The following CDH19 variants were observed in gnomAD, a reference collection of about 807,000 sequenced individuals.
CDH19 encodes cadherin-19.
Under a neutral mutation model 64.2 loss-of-function variants are expected in CDH19, and 67 were observed. That is an observed-to-expected ratio of 1.04 (90% CI 0.86 to 1.28). The LOEUF (loss-of-function observed/expected upper bound fraction) is 1.28. Ranked by LOEUF, CDH19 falls within the 50% of genes most tolerant of loss-of-function variation. CDH19 has a pLI of 0.00. For missense variants in CDH19, 1,030 were observed against 929.0 expected (o/e 1.11, Z -1.41); for synonymous variants, 346 against 319.3 (o/e 1.08, Z -0.89).
intron 1 of CDH19, among the ~76,000 whole-genome samples, chr18:66,589,360 A>T (rs1426934520): frequency 1.3e-5 from 2 of 151,754 alleles, no homozygotes; most frequent in Non-Finnish European, 2.9e-5. Context: ...AATTTCTAAC[A>T]GTATTTATTT....
At position 66,509,223 on chromosome 18, in the gene CDH19, T is replaced by G; in HGVS notation, c.1600A>C (p.Asn534His). 1 of 1,612,436 alleles carries G rather than the reference T, an allele frequency of 6.2e-7. No homozygotes were observed. Among genetic ancestry groups the G allele is most frequent in the Non-Finnish European group, 8.5e-7 (1 of 1,179,002 alleles). Residue 534 changes from asparagine to histidine, a missense_variant, in exon 11 of 12, where the codon AAT (asparagine) becomes CAT (histidine). By Grantham distance (68) the Asn-to-His change is moderately conservative. Coordinates refer to ENST00000262150, the MANE Select transcript of CDH19 (RefSeq NM_021153.4). Reference protein sequence around the residue: ...NQDNTAVILTNRTGFNLQEEP... With the variant: ...NQDNTAVILTHRTGFNLQEEP... ...TCTTGAAGGTTAAAACCAGTTCTATTAGTCAAAATGACAGCTGTGTTATCT... is the reference window on the plus strand; with the variant it reads ...TCTTGAAGGTTAAAACCAGTTCTATGAGTCAAAATGACAGCTGTGTTATCT...
chr18:66,588,076 G>T (rs1055955372), intron 1 of CDH19, among the ~76,000 whole-genome samples: 1 of 152,136 alleles, frequency 6.6e-6, no homozygotes, highest in African/African-American at 2.4e-5. Flanking sequence ...CACTATCTGT[G>T]TTGAGTCTGC....
intron 1 of CDH19, among the ~76,000 whole-genome samples, chr18:66,579,978 GC>G (rs2144600228): frequency 6.6e-6 from 1 of 152,060 alleles, no homozygotes; most frequent in African/African-American, 2.4e-5. Flanking sequence ...TGGAAGATAG[GC>G]AAAACCATTG....
At chr18:66,527,622 C>T (rs1255208337) in intron 9 of CDH19, among the ~76,000 whole-genome samples, 2 of 151,882 alleles carry the variant, frequency 1.3e-5, no homozygotes, top group African/African-American at 4.8e-5. Flanking sequence ...TGGTGGCGTG[C>T]GCCTGTCATC....
At position 66,551,861 on chromosome 18, in the gene CDH19, T is replaced by C. The variant is rs115614477; in HGVS notation, c.611-603A>G. On this transcript the variant is annotated intron_variant, in intron 4 of 11. Coordinates refer to ENST00000262150, the MANE Select transcript of CDH19 (RefSeq NM_021153.4). Reference sequence around the variant, plus strand: ...TTAATATACATTTATTAACTATCACTGAAAAGAACCTAAGAAAATCTTAAG... The same window carrying C: ...TTAATATACATTTATTAACTATCACCGAAAAGAACCTAAGAAAATCTTAAG... Among the ~76,000 whole-genome samples the C allele has an allele frequency of 7.2e-3, 1,088 of 152,026 alleles. 17 individuals are homozygous for C. The highest frequency in any genetic ancestry group is 0.025 in the African/African-American group (1,040 of 41,496).
chr18:66,527,035 GTA>G (rs749251440), intron 9 of CDH19, among the ~76,000 whole-genome samples: 52 of 118,686 alleles, frequency 4.4e-4, no homozygotes, highest in South Asian at 2.9e-3. Context: ...ATATAAATAT[GTA>G]TATATATATA....
chr18:66,572,698 GAA>G (rs1353226277), intron 1 of CDH19, among the ~76,000 whole-genome samples: 4 of 151,584 alleles, frequency 2.6e-5, no homozygotes, highest in African/African-American at 9.7e-5. Context: ...AATCCAGGAG[GAA>G]AAAAGTCTTA....
chr18:66,576,486 TCATTTCATAATTATAAATGATAAA>T (rs1468277680), intron 1 of CDH19, among the ~76,000 whole-genome samples: 1 of 151,502 alleles, frequency 6.6e-6, no homozygotes, highest in Non-Finnish European at 1.5e-5. Flanking sequence ...GATAAACATA[TCATTTCATAATTATAAATGATAAA>T]CAATGTCATT....
intron 3 of CDH19, among the ~76,000 whole-genome samples, chr18:66,558,546 A>G (rs1987605481): frequency 6.6e-6 from 1 of 152,024 alleles, no homozygotes; most frequent in South Asian, 2.1e-4. Flanking sequence ...TAAAGAGATC[A>G]CAATAATAAT....
intron 3 of CDH19, among the ~76,000 whole-genome samples, chr18:66,566,489 TC>T (rs34318700): frequency 6.6e-6 from 1 of 151,930 alleles, no homozygotes; most frequent in Non-Finnish European, 1.5e-5. Context: ...TTTCATTTTC[TC>T]CCTGTGGCGT....
chr18:66,506,014 A>G (rs991042534), intron 11 of CDH19, among the ~76,000 whole-genome samples: 54 of 152,004 alleles, frequency 3.6e-4, no homozygotes, highest in African/African-American at 1.1e-3. Flanking sequence ...GAAGTCATTT[A>G]CAGCAACATA....
intron 3 of CDH19, 139 bp from the exon 4 acceptor site, chr18:66,554,663 A>T: frequency 1.7e-6 from 1 of 579,418 alleles, no homozygotes; most frequent in Non-Finnish European, 2.8e-6. Flanking sequence ...CTTAATTGTA[A>T]AAGTAATGTA....
At position 66,593,578 on chromosome 18, in the gene CDH19, T is replaced by A. The variant is rs140546904; in HGVS notation, c.-113+10376A>T. ...AAGAAAGTAGAGTTCTACATCACAT[T>A]GTATTAAAAAATAAACTAGTGTTAA... On this transcript the variant is annotated intron_variant, in intron 1 of 11. Coordinates refer to ENST00000262150, the MANE Select transcript of CDH19 (RefSeq NM_021153.4). Among the ~76,000 whole-genome samples the A allele has an allele frequency of 3.0e-4, 45 of 152,108 alleles. No homozygotes were observed. In the East Asian group the frequency reaches 8.5e-3, roughly 29 times the overall value.
chr18:66,508,900 G>A (rs1253179039), intron 11 of CDH19, 95 bp downstream of exon 11: 2 of 1,280,946 alleles, frequency 1.6e-6, no homozygotes, highest in East Asian at 4.9e-5. Context: ...TATTTATCAT[G>A]TTATTTTAAA....
rs760863253 is a variant in CDH19 at position 66,508,993 on chromosome 18, A to G, written c.1828+2T>C. 2.5e-6 allele frequency: 4 copies of G among 1,604,778 alleles called. No individual in the cohort carries two copies. Among genetic ancestry groups the G allele is most frequent in the African/African-American group, 2.7e-5 (2 of 74,702 alleles). On this transcript the variant is annotated splice_donor_variant, in intron 11 of 11. Transcript: ENST00000262150. LOFTEE classifies it high-confidence loss of function. ...AGAATAGCAATGATGACTTCTACCTACCAAATATGATCATAATGCAAATGA... is the reference window on the plus strand; with the variant it reads ...AGAATAGCAATGATGACTTCTACCTGCCAAATATGATCATAATGCAAATGA...
At chr18:66,520,853 T>C (rs1207015584) in intron 9 of CDH19, among the ~76,000 whole-genome samples, 2 of 152,066 alleles carry the variant, frequency 1.3e-5, no homozygotes, top group Non-Finnish European at 2.9e-5. Flanking sequence ...GGATGATTTA[T>C]TGATTGTTAT....
chr18:66,536,229 T>C (rs960335524), intron 7 of CDH19, among the ~76,000 whole-genome samples: 2 of 151,674 alleles, frequency 1.3e-5, no homozygotes, highest in African/African-American at 4.8e-5. Flanking sequence ...CATAATTATA[T>C]GGCAAAGATG....
intron 1 of CDH19, among the ~76,000 whole-genome samples, chr18:66,599,455 T>C (rs920634255): frequency 6.6e-6 from 1 of 152,010 alleles, no homozygotes; most frequent in African/African-American, 2.4e-5. Flanking sequence ...GAGGAGTATG[T>C]TTCACGTTTC....
intron 3 of CDH19, among the ~76,000 whole-genome samples, chr18:66,559,252 A>G (rs534360023): frequency 6.6e-6 from 1 of 152,080 alleles, no homozygotes; most frequent in Non-Finnish European, 1.5e-5. Flanking sequence ...AAGTACATCT[A>G]AAAATCAACT....
Sources: gnomAD v4.1 joint callset for allele counts (sites outside exome capture counted in the v4.1 genomes callset) on GRCh38, gnomAD v4.1.1 for gene constraint, MANE v1.5 for transcripts, NCBI Gene and HGNC (gene_info 2026-07-23, HGNC 2026-07-21) for gene names.